The following MYO16 variants were observed in gnomAD, a reference collection of about 807,000 sequenced individuals.
MYO16 encodes myosin XVI.
MYO16 carries 94 observed loss-of-function variants against 205.3 expected under a neutral mutation model. The observed-to-expected ratio is 0.46, with a 90% CI of 0.39 to 0.54. The LOEUF (loss-of-function observed/expected upper bound fraction) is 0.54. MYO16 is among the 20% of genes least tolerant of loss of function. MYO16 has a pLI of 0.00. For synonymous variants in MYO16, 988 were observed against 954.0 expected (o/e 1.04, Z -0.66); for missense variants, 2,315 against 2,387.5 (o/e 0.97, Z 0.63).
the MYO16 span, among the ~76,000 whole-genome samples, chr13:108,570,020 G>A: frequency 5.3e-5 from 8 of 151,838 alleles, no homozygotes; most frequent in East Asian, 1.9e-4. Context: ...AAATGTTCCC[G>A]GATTTCATAT....
the MYO16 span, among the ~76,000 whole-genome samples, chr13:108,575,160 T>C: frequency 1.3e-5 from 2 of 152,188 alleles, no homozygotes; most frequent in East Asian, 1.9e-4. Flanking sequence ...TTAGACATAT[T>C]GAACAGTCTC....
At chr13:109,100,755 A>AT (rs752857959) in intron 27 of MYO16, 30 bp from the exon 28 acceptor site, 1 of 1,556,612 alleles carries the variant, frequency 6.4e-7, no homozygotes, top group Non-Finnish European at 8.9e-7. Flanking sequence ...AAATGCAGTC[A>AT]TTGCTTTCTG....
At chr13:108,738,171 C>T (rs1342606632) in intron 4 of MYO16, among the ~76,000 whole-genome samples, 1 of 52,180 alleles carries the variant, frequency 1.9e-5, no homozygotes, top group African/African-American at 6.6e-5. Context: ...CTCTTGCGTT[C>T]TGCTAGCTTT....
rs542035564 is a variant in MYO16 at position 108,967,169 on chromosome 13, G to A, written c.2369+2267G>A. 5.3e-5 allele frequency among the ~76,000 whole-genome samples: 8 copies of A among 151,926 alleles called. No homozygotes were observed. In the South Asian group the frequency reaches 1.5e-3, roughly 28 times the overall value. On this transcript the variant is annotated intron_variant, in intron 20 of 34. Coordinates refer to ENST00000457511, the MANE Select transcript of MYO16 (RefSeq NM_001198950.3). ...TGACTATATATATGTGTGTGTGTGT[G>A]TGTGTGTGTGTGTATGTATTTGTAA...
At chr13:109,177,268 T>C (rs373511388) in intron 33 of MYO16, among the ~76,000 whole-genome samples, 5 of 152,192 alleles carry the variant, frequency 3.3e-5, no homozygotes, top group African/African-American at 9.6e-5. Flanking sequence ...CATGCTGCTG[T>C]GTGTTTGGCC....
chr13:108,680,909 T>C (rs1882434629), intron 2 of MYO16, among the ~76,000 whole-genome samples: 1 of 152,222 alleles, frequency 6.6e-6, no homozygotes. Flanking sequence ...AGTGACTTTA[T>C]TAAAATCTCA....
At position 109,052,458 on chromosome 13, in the gene MYO16, T is replaced by C. The variant is rs758844998; in HGVS notation, c.3031T>C (p.Tyr1011His). The change falls in exon 25 of 35, where the codon TAT (tyrosine) becomes CAT (histidine). Residue 1011 changes from tyrosine to histidine, a missense_variant. Tyr to His is a moderately conservative substitution (Grantham distance 83, BLOSUM62 2). Transcript: ENST00000457511. ...ASSIIGENKN[Y>H]LELSKLLKKK... ...TTCAATTATTGGAGAAAACAAGAAT[T>C]ATCTAGAACTTAGTAAGGTAGGAGT... 5 of 1,606,526 alleles carry C rather than the reference T, an allele frequency of 3.1e-6. No individual in the cohort carries two copies. The highest frequency in any genetic ancestry group is 1.7e-5 in the Admixed American group (1 of 59,344).
intron 16 of MYO16, among the ~76,000 whole-genome samples, chr13:108,920,844 A>T (rs1881717994): frequency 6.6e-6 from 1 of 152,188 alleles, no homozygotes; most frequent in African/African-American, 2.4e-5. Flanking sequence ...CCATATGGAG[A>T]TGTGAAAGAG....
At chr13:109,004,988 G>A (rs1188365038) in intron 21 of MYO16, among the ~76,000 whole-genome samples, 1 of 152,128 alleles carries the variant, frequency 6.6e-6, no homozygotes, top group Non-Finnish European at 1.5e-5. Flanking sequence ...AACACTTAAA[G>A]GTTTAAAAGG....
chr13:108,640,318 A>T (rs1880446064), intron 1 of MYO16, among the ~76,000 whole-genome samples: 1 of 152,132 alleles, frequency 6.6e-6, no homozygotes, highest in Non-Finnish European at 1.5e-5. Flanking sequence ...CCTCTGGAGT[A>T]ATCGATGAGG....
chr13:108,778,867 C>A (rs1886211092), intron 4 of MYO16, among the ~76,000 whole-genome samples: 1 of 152,158 alleles, frequency 6.6e-6, no homozygotes, highest in Admixed American at 6.5e-5. Context: ...TCTGGTTCTC[C>A]TATTATGACT....
chr13:109,000,531 C>T (rs2139459175), intron 21 of MYO16, among the ~76,000 whole-genome samples: 2 of 152,218 alleles, frequency 1.3e-5, no homozygotes, highest in South Asian at 2.1e-4. Flanking sequence ...AGAAATTATA[C>T]ATTAATCATT....
intron 1 of MYO16, among the ~76,000 whole-genome samples, chr13:108,602,902 A>G (rs1199846922): frequency 6.6e-6 from 1 of 152,216 alleles, no homozygotes; most frequent in Non-Finnish European, 1.5e-5. Context: ...TGGAACAGGT[A>G]TGGAAAAGCA....
chr13:109,083,970 C>T (rs1214738515), intron 27 of MYO16, among the ~76,000 whole-genome samples: 2 of 152,096 alleles, frequency 1.3e-5, no homozygotes. Flanking sequence ...ATATATAATG[C>T]ATTATGTATA....
intron 6 of MYO16, among the ~76,000 whole-genome samples, chr13:108,798,070 A>ATGT (rs1886845344): frequency 6.6e-6 from 1 of 151,730 alleles, no homozygotes. Context: ...AAAGGCTAGG[A>ATGT]TGCTGTCCCT....
At chr13:108,733,439 A>G (rs927901890) in intron 4 of MYO16, among the ~76,000 whole-genome samples, 1 of 152,162 alleles carries the variant, frequency 6.6e-6, no homozygotes, top group African/African-American at 2.4e-5. Flanking sequence ...TGAAGTCCAG[A>G]TAGTATTAGT....
At chr13:108,773,083 C>A (rs1886019911) in intron 4 of MYO16, among the ~76,000 whole-genome samples, 1 of 152,164 alleles carries the variant, frequency 6.6e-6, no homozygotes, top group South Asian at 2.1e-4. Context: ...TGTATCCTTA[C>A]ATGGTAGAAA....
chr13:108,718,009 T>C (rs1225942585), intron 3 of MYO16, among the ~76,000 whole-genome samples: 1 of 152,172 alleles, frequency 6.6e-6, no homozygotes, highest in East Asian at 1.9e-4. Context: ...AACAAGAAAA[T>C]GTGCTGCCCA....
At chr13:108,727,389 C>A in intron 3 of MYO16, 51 bp from the exon 4 acceptor site, 1 of 1,560,456 alleles carries the variant, frequency 6.4e-7, no homozygotes, top group African/African-American at 1.4e-5. Flanking sequence ...TTGGAATAAG[C>A]CATATCACAG....
Sources: gnomAD v4.1 joint callset for allele counts (sites outside exome capture counted in the v4.1 genomes callset) on GRCh38, gnomAD v4.1.1 for gene constraint, MANE v1.5 for transcripts, NCBI Gene and HGNC (gene_info 2026-07-23, HGNC 2026-07-21) for gene names.